HEMK2: variants seen among roughly 807,000 people sequenced by gnomAD.
HEMK2 encodes the protein HemK methyltransferase 2, ETF1 glutamine and histone H4 lysine.
chr21:28,776,563 T>C, the HEMK2 span, among the ~76,000 whole-genome samples: 89 of 152,004 alleles, frequency 5.9e-4, no homozygotes, highest in South Asian at 1.9e-3. Context: ...TATTAAGGAG[T>C]ATTGACTCAC....
chr21:28,707,376 C>T, the HEMK2 span, among the ~76,000 whole-genome samples: 1 of 151,908 alleles, frequency 6.6e-6, no homozygotes, highest in Non-Finnish European at 1.5e-5. Context: ...CCACCTCAGC[C>T]TCCCAAGTAG....
chr21:28,762,953 C>G, the HEMK2 span, among the ~76,000 whole-genome samples: 1 of 151,964 alleles, frequency 6.6e-6, no homozygotes, highest in Non-Finnish European at 1.5e-5. Flanking sequence ...AGAGAGCTAG[C>G]GAACCAATTT....
chr21:28,607,407 T>C, the HEMK2 span, among the ~76,000 whole-genome samples: 1 of 151,498 alleles, frequency 6.6e-6, no homozygotes, highest in South Asian at 2.1e-4. Context: ...CGAGACTCCA[T>C]CTCAAAAAAA....
the HEMK2 span, among the ~76,000 whole-genome samples, chr21:28,610,346 C>T: frequency 0.012 from 1,771 of 152,112 alleles, 15 homozygotes; most frequent in Non-Finnish European, 0.019. Flanking sequence ...TTCAGACAAA[C>T]AAATGCTGAG....
the HEMK2 span, among the ~76,000 whole-genome samples, chr21:28,735,240 G>T: frequency 2.6e-5 from 4 of 152,204 alleles, no homozygotes; most frequent in African/African-American, 7.2e-5. Context: ...TAACTCAGAA[G>T]TCTAGTACAA....
the HEMK2 span, among the ~76,000 whole-genome samples, chr21:28,600,713 C>G: frequency 3.3e-5 from 5 of 152,160 alleles, no homozygotes; most frequent in Admixed American, 1.3e-4. Flanking sequence ...AACTTTTATG[C>G]TCTGCTTCTC....
the HEMK2 span, among the ~76,000 whole-genome samples, chr21:28,838,972 A>AAATAT: frequency 2.1e-4 from 6 of 29,156 alleles, no homozygotes; most frequent in African/African-American, 3.9e-4. Flanking sequence ...AAAAAAAAAA[A>AAATAT]ATATATATAT....
the HEMK2 span, among the ~76,000 whole-genome samples, chr21:28,818,802 A>G: frequency 6.6e-6 from 1 of 152,182 alleles, no homozygotes; most frequent in Non-Finnish European, 1.5e-5. Flanking sequence ...GAGGCAAAGA[A>G]CTGTGGTTTT....
At chr21:28,586,053 T>C in the HEMK2 span, among the ~76,000 whole-genome samples, 1 of 152,132 alleles carries the variant, frequency 6.6e-6, no homozygotes, top group African/African-American at 2.4e-5. Context: ...AGGAGAAAGA[T>C]AGATTTAAAT....
the HEMK2 span, among the ~76,000 whole-genome samples, chr21:28,735,100 C>T: frequency 2.7e-3 from 410 of 152,266 alleles, 2 homozygotes; most frequent in Non-Finnish European, 4.9e-3. Flanking sequence ...CTTGATCTTG[C>T]CAAGGTTCCA....
At chr21:28,781,740 G>T in the HEMK2 span, among the ~76,000 whole-genome samples, 1 of 152,292 alleles carries the variant, frequency 6.6e-6, no homozygotes, top group South Asian at 2.1e-4. Flanking sequence ...GTTTATATTG[G>T]GAGTCATTTA....
At chr21:28,632,006 AGAAATGCTTTG>A in the HEMK2 span, among the ~76,000 whole-genome samples, 1 of 152,226 alleles carries the variant, frequency 6.6e-6, no homozygotes, top group African/African-American at 2.4e-5. Flanking sequence ...TGGAGTGTGC[AGAAATGCTTTG>A]GAATACTAGA....
At chr21:28,878,113 T>G in the HEMK2 span, 1 of 1,284,718 alleles carries the variant, frequency 7.8e-7, no homozygotes, top group South Asian at 1.5e-5. Flanking sequence ...CAGGTTATCT[T>G]ATAAATTAAA....
the HEMK2 span, among the ~76,000 whole-genome samples, chr21:28,589,306 C>A: frequency 6.6e-6 from 1 of 152,092 alleles, no homozygotes; most frequent in East Asian, 1.9e-4. Flanking sequence ...TCAACATATG[C>A]AGTTTTTTAA....
At chr21:28,744,186 G>A in the HEMK2 span, among the ~76,000 whole-genome samples, 1 of 151,896 alleles carries the variant, frequency 6.6e-6, no homozygotes, top group Non-Finnish European at 1.5e-5. Flanking sequence ...CCAAACCCCT[G>A]AGTCATGAGT....
the HEMK2 span, among the ~76,000 whole-genome samples, chr21:28,612,908 C>T: frequency 7.2e-5 from 11 of 152,116 alleles, no homozygotes; most frequent in South Asian, 8.3e-4. Flanking sequence ...GGGAAAACTA[C>T]GAAACACTGA....
the HEMK2 span, among the ~76,000 whole-genome samples, chr21:28,671,978 C>T: frequency 6.6e-6 from 1 of 152,152 alleles, no homozygotes; most frequent in Non-Finnish European, 1.5e-5. Context: ...ATTCACTCTA[C>T]AGTGGAGCAG....
the HEMK2 span, among the ~76,000 whole-genome samples, chr21:28,740,644 G>A: frequency 6.6e-6 from 1 of 152,192 alleles, no homozygotes; most frequent in Non-Finnish European, 1.5e-5. Flanking sequence ...GAATTCAAAT[G>A]AGGCCAAAAA....
the HEMK2 span, among the ~76,000 whole-genome samples, chr21:28,789,524 C>T: frequency 1.3e-5 from 2 of 152,212 alleles, no homozygotes; most frequent in African/African-American, 4.8e-5. Flanking sequence ...TCCTTCTAAT[C>T]TTCTACAAGT....
Sources: allele counts gnomAD v4.1 joint callset (sites outside exome capture counted in the v4.1 genomes callset), GRCh38; gene constraint gnomAD v4.1.1; transcripts MANE v1.5; gene names NCBI Gene and HGNC (gene_info 2026-07-23, HGNC 2026-07-21).